The following BCR variants were observed in gnomAD, a reference collection of about 807,000 sequenced individuals.
BCR encodes the protein breakpoint cluster region protein.
A neutral mutation model predicts 138.6 loss-of-function variants in BCR; 58 were observed. The observed-to-expected ratio is 0.42, with a 90% CI of 0.34 to 0.52. The LOEUF (loss-of-function observed/expected upper bound fraction) is 0.52, where lower values mean the gene tolerates loss of function less well. Ranked by LOEUF, BCR falls within the 20% of genes least tolerant of loss-of-function variation. The pLI is 0.06. For synonymous variants in BCR, 786 were observed against 730.1 expected, an observed-to-expected ratio of 1.08 and a Z score of -1.23; for missense variants, 1,599 against 1,727.2, an observed-to-expected ratio of 0.93 and a Z score of 1.32.
At chr22:23,263,297 C>T (rs1027588702) in intron 4 of BCR, 18 of 1,148,314 alleles carry the variant, frequency 1.6e-5, no homozygotes, top group Middle Eastern at 2.5e-4. Flanking sequence ...AGGTGTACCG[C>T]TGGCTGTGGC....
chr22:23,296,373 C>CA (rs996139532), intron 16 of BCR, among the ~76,000 whole-genome samples: 9,882 of 55,380 alleles, frequency 0.18, 833 homozygotes, highest in African/African-American at 0.24. Flanking sequence ...GAGTCCGTCT[C>CA]AAAAAAAAAA....
chr22:23,242,627 T>C (rs1038528714), intron 1 of BCR, among the ~76,000 whole-genome samples: 1 of 152,192 alleles, frequency 6.6e-6, no homozygotes, highest in Non-Finnish European at 1.5e-5. Context: ...GAAGGCTCTG[T>C]TGGTCGCATT....
intron 14 of BCR, among the ~76,000 whole-genome samples, chr22:23,292,041 C>G (rs1042677269): frequency 3.0e-4 from 46 of 152,230 alleles, no homozygotes; most frequent in African/African-American, 1.1e-3. Flanking sequence ...CCCTGCACCC[C>G]ACGACTTCTC....
rs907963971 is a variant in BCR at position 23,287,351 on chromosome 22, C to T, written c.2526+73C>T. On this transcript the variant is annotated intron_variant, in intron 11 of 22. Transcript: ENST00000305877. ...GGCTCCTGGTTGCCTAATGGCAGTG[C>T]GTTTTCACTTGGATGCGCCCCACTC... is the stretch of plus-strand genomic sequence containing the variant. The T allele has an allele frequency of 1.6e-5, 24 of 1,460,620 alleles. 1 individual carries two copies. The highest frequency in any genetic ancestry group is 1.0e-4 in the Admixed American group (4 of 38,868). 90.5% of individuals were successfully genotyped at this position (1,460,620 alleles called of 1,614,324 possible).
chr22:23,289,704 G>C lies in BCR; in HGVS notation c.2707+83G>C, dbSNP rs755406738. Reference sequence around the variant, plus strand: ...GAAGGCTGATCCCCCCTTCCTGTTAGCACTTTTGATGGGACTAGTGGACTT... The same window carrying C: ...GAAGGCTGATCCCCCCTTCCTGTTACCACTTTTGATGGGACTAGTGGACTT... On this transcript the variant is annotated intron_variant, in intron 13 of 22. Coordinates refer to ENST00000305877, the MANE Select transcript of BCR (RefSeq NM_004327.4). The C allele has an allele frequency of 6.6e-6, 8 of 1,214,040 alleles. No homozygotes were observed. In the South Asian group the frequency reaches 1.0e-4, roughly 15 times the overall value. 75.2% of individuals were successfully genotyped at this position (1,214,040 alleles called of 1,614,324 possible).
At chr22:23,197,470 C>G (rs2072497939) in intron 1 of BCR, among the ~76,000 whole-genome samples, 1 of 152,108 alleles carries the variant, frequency 6.6e-6, no homozygotes, top group African/African-American at 2.4e-5. Flanking sequence ...TTGGTTATTT[C>G]TTTCCAAATA....
chr22:23,261,224 A>G (rs1210135120), intron 3 of BCR, 131 bp from the exon 4 acceptor site: 1 of 1,300,414 alleles, frequency 7.7e-7, no homozygotes, highest in Non-Finnish European at 1.1e-6. Context: ...TGGTTTTAAA[A>G]TTGTATTTGT....
At chr22:23,288,060 C>A in intron 11 of BCR, 37 bp from the exon 12 acceptor site, 1 of 1,598,626 alleles carries the variant, frequency 6.3e-7, no homozygotes, top group Non-Finnish European at 8.6e-7. Context: ...GTAGCCAGGG[C>A]GGAGATAACT....
Position 23,223,647 on chromosome 22 carries a change from G to A in BCR, c.1280-30152G>A, listed in dbSNP as rs540320732. Among the ~76,000 whole-genome samples, 6 of 152,308 alleles carry A rather than the reference G, an allele frequency of 3.9e-5. No individual in the cohort carries two copies. In the East Asian group the frequency reaches 1.2e-3, roughly 29 times the overall value. On this transcript the variant is annotated intron_variant, in intron 1 of 22. Coordinates refer to ENST00000305877, the MANE Select transcript of BCR (RefSeq NM_004327.4). ...GGCTCAGGCAGGCAGCAGAGGCCTG[G>A]AGGGCCTGGCTCTGTGGGATCTGTG...
chr22:23,289,454 G>A, intron 12 of BCR, 63 bp from the exon 13 acceptor site: 7 of 1,401,864 alleles, frequency 5.0e-6, no homozygotes, highest in Non-Finnish European at 6.0e-6. Flanking sequence ...AGGTCCAGTG[G>A]GAGGGGCCAG....
At chr22:23,275,620 TG>T (rs1291071415) in intron 8 of BCR, among the ~76,000 whole-genome samples, 1 of 152,144 alleles carries the variant, frequency 6.6e-6, no homozygotes, top group Admixed American at 6.5e-5. Flanking sequence ...GCCCTGCCCT[TG>T]GTTCTCTTCC....
intron 1 of BCR, among the ~76,000 whole-genome samples, chr22:23,205,642 AT>A (rs112193385): frequency 0.073 from 10,559 of 143,884 alleles, 1,127 homozygotes; most frequent in African/African-American, 0.24. Flanking sequence ...TGAACCAATA[AT>A]TTTTTTTTTT....
chr22:23,295,379 T>C (rs1199588120), intron 16 of BCR, among the ~76,000 whole-genome samples: 2 of 152,146 alleles, frequency 1.3e-5, no homozygotes, highest in Non-Finnish European at 2.9e-5. Flanking sequence ...GTCGGCTCAT[T>C]CCCAAAGGAA....
At chr22:23,294,876 T>C in intron 15 of BCR, 148 bp from the exon 16 acceptor site, 1 of 1,012,910 alleles carries the variant, frequency 9.9e-7, no homozygotes, top group Non-Finnish European at 1.4e-6. Flanking sequence ...TACTTCCATG[T>C]GTCCCAGGAC....
In BCR at chr22:23,181,558, A is replaced by T. The variant is rs141546043; in HGVS notation, c.598A>T (p.Ile200Phe). 6 of 1,613,002 alleles carry T rather than the reference A, an allele frequency of 3.7e-6. No homozygotes were observed. In the South Asian group the frequency reaches 6.6e-5, roughly 18 times the overall value. Reference protein sequence around the residue: ...KVNDKEVSDRISSLGSQAMQM... With the variant: ...KVNDKEVSDRFSSLGSQAMQM... ...CAACGACAAAGAGGTGTCGGACCGCATCAGCTCCCTGGGCAGCCAGGCCAT... is the reference window on the plus strand; with the variant it reads ...CAACGACAAAGAGGTGTCGGACCGCTTCAGCTCCCTGGGCAGCCAGGCCAT... The change falls in exon 1 of 23, where the codon ATC (isoleucine) becomes TTC (phenylalanine). Residue 200 changes from isoleucine to phenylalanine, a missense_variant. Coordinates refer to ENST00000305877, the MANE Select transcript of BCR (RefSeq NM_004327.4).
At chr22:23,198,663 A>G (rs551778194) in intron 1 of BCR, among the ~76,000 whole-genome samples, 24 of 152,286 alleles carry the variant, frequency 1.6e-4, no homozygotes, top group African/African-American at 5.1e-4. Context: ...TGCCTGGGGC[A>G]GAGCCTGGCC....
intron 14 of BCR, among the ~76,000 whole-genome samples, 169 bp from the exon 15 acceptor site, chr22:23,292,372 G>A (rs768307958): frequency 5.3e-5 from 8 of 152,154 alleles, no homozygotes; most frequent in Non-Finnish European, 8.8e-5. Flanking sequence ...ATGAGGTGCT[G>A]GTGTTCACGC....
chr22:23,205,790 T>A (rs1335477928), intron 1 of BCR, among the ~76,000 whole-genome samples: 1 of 152,206 alleles, frequency 6.6e-6, no homozygotes, highest in Non-Finnish European at 1.5e-5. Context: ...ATTTGGAATG[T>A]GAGCATGTGA....
intron 1 of BCR, among the ~76,000 whole-genome samples, chr22:23,206,519 G>T (rs757559586): frequency 2.0e-5 from 3 of 151,316 alleles, no homozygotes; most frequent in Non-Finnish European, 2.9e-5. Flanking sequence ...GGAGCTTGCA[G>T]TGAGCCGAGA....
Sources: allele counts gnomAD v4.1 joint callset (sites outside exome capture counted in the v4.1 genomes callset), GRCh38; gene constraint gnomAD v4.1.1; transcripts MANE v1.5; gene names NCBI Gene and HGNC (gene_info 2026-07-23, HGNC 2026-07-21).